The following CCDC192 variants were observed in gnomAD, a reference collection of about 807,000 sequenced individuals.
CCDC192 encodes coiled-coil domain containing 192, also known as coiled-coil domain-containing protein 192.
intron 5 of CCDC192, among the ~76,000 whole-genome samples, chr5:127,826,520 A>G (rs943976805): frequency 6.6e-6 from 1 of 151,734 alleles, no homozygotes. Flanking sequence ...AAGACATGGA[A>G]TCAACCCATC....
At chr5:127,860,922 G>A (rs147855639) in intron 5 of CCDC192, among the ~76,000 whole-genome samples, 105 of 152,234 alleles carry the variant, frequency 6.9e-4, no homozygotes, top group African/African-American at 2.4e-3. Flanking sequence ...ACCAGTTTTC[G>A]CTTTCTTTTA....
chr5:127,706,341 A>G (rs1171410209), intron 1 of CCDC192, among the ~76,000 whole-genome samples: 1 of 152,088 alleles, frequency 6.6e-6, no homozygotes, highest in African/African-American at 2.4e-5. Flanking sequence ...ATCCTGGCCA[A>G]CATGGTGAAA....
intron 5 of CCDC192, among the ~76,000 whole-genome samples, chr5:127,802,697 T>G (rs997885687): frequency 4.6e-5 from 7 of 152,218 alleles, no homozygotes; most frequent in African/African-American, 1.7e-4. Flanking sequence ...TGCAGCCTCT[T>G]TCTCAAGACT....
intron 2 of CCDC192, among the ~76,000 whole-genome samples, chr5:127,729,978 A>C (rs1341082834): frequency 6.6e-6 from 1 of 152,200 alleles, no homozygotes; most frequent in Non-Finnish European, 1.5e-5. Context: ...AACCAAGAGC[A>C]AATAAACCCC....
At chr5:127,861,387 G>A (rs1228311551) in intron 5 of CCDC192, among the ~76,000 whole-genome samples, 1 of 150,964 alleles carries the variant, frequency 6.6e-6, no homozygotes, top group Non-Finnish European at 1.5e-5. Flanking sequence ...GGGCACAGTG[G>A]CTCATGCCTG....
At chr5:127,881,806 T>C (rs1752363672) in intron 6 of CCDC192, among the ~76,000 whole-genome samples, 1 of 152,240 alleles carries the variant, frequency 6.6e-6, no homozygotes, top group African/African-American at 2.4e-5. Flanking sequence ...ATTCCTTCCA[T>C]CATTTCCACA....
intron 5 of CCDC192, among the ~76,000 whole-genome samples, chr5:127,813,539 A>G (rs1337282849): frequency 6.6e-6 from 1 of 152,048 alleles, no homozygotes; most frequent in Non-Finnish European, 1.5e-5. Context: ...CCTTTCTTTT[A>G]TGTGCCATTT....
chr5:127,859,373 C>A (rs892537886), intron 5 of CCDC192, among the ~76,000 whole-genome samples: 6 of 151,980 alleles, frequency 3.9e-5, no homozygotes, highest in Non-Finnish European at 1.5e-5. Flanking sequence ...TAATTAGTTC[C>A]CCTTCTGATT....
chr5:127,892,768 A>G (rs912306594), intron 6 of CCDC192, among the ~76,000 whole-genome samples: 5 of 152,222 alleles, frequency 3.3e-5, no homozygotes, highest in African/African-American at 9.6e-5. Flanking sequence ...AAATGTGCAA[A>G]TAAAGATTTT....
chr5:127,822,393 T>C (rs1320110208), intron 5 of CCDC192, among the ~76,000 whole-genome samples: 1 of 152,176 alleles, frequency 6.6e-6, no homozygotes, highest in Non-Finnish European at 1.5e-5. Flanking sequence ...AGGATGCCTA[T>C]GGCAGGACAT....
chr5:127,807,386 A>G (rs565783576), intron 5 of CCDC192, among the ~76,000 whole-genome samples: 2 of 152,198 alleles, frequency 1.3e-5, no homozygotes, highest in East Asian at 3.9e-4. Flanking sequence ...TTCTCGGCAC[A>G]TTTCTTTCCA....
chr5:127,761,989 A>T lies in CCDC192; in HGVS notation c.222+7614A>T, dbSNP rs1384616819. 3.3e-5 allele frequency among the ~76,000 whole-genome samples: 5 copies of T among 152,280 alleles called. No homozygotes were observed. The East Asian group carries it at 9.7e-4, about 29-fold the overall frequency. On this transcript the variant is annotated intron_variant, in intron 3 of 6. Transcript: ENST00000514853. Reference sequence around the variant, plus strand: ...GAACAAAGATACCAGCAAATTTTTGATACTGAATTTGTGTATTGAGTGGCT... The same window carrying T: ...GAACAAAGATACCAGCAAATTTTTGTTACTGAATTTGTGTATTGAGTGGCT...
chr5:127,744,121 A>G (rs1753602273), intron 2 of CCDC192, among the ~76,000 whole-genome samples: 5 of 151,326 alleles, frequency 3.3e-5, no homozygotes, highest in African/African-American at 1.2e-4. Context: ...GAAAAAAAAA[A>G]AGAAACTATT....
At chr5:127,800,070 AC>A (rs1386461547) in intron 5 of CCDC192, among the ~76,000 whole-genome samples, 1 of 151,954 alleles carries the variant, frequency 6.6e-6, no homozygotes, top group East Asian at 1.9e-4. Flanking sequence ...ACACTCTGAA[AC>A]CCATGATTTT....
chr5:127,861,922 A>C (rs1220808300), intron 5 of CCDC192, among the ~76,000 whole-genome samples: 1 of 152,166 alleles, frequency 6.6e-6, no homozygotes, highest in Non-Finnish European at 1.5e-5. Context: ...AATAACTGAA[A>C]AATGTACTGA....
chr5:127,901,062 AG>A (rs1310166953), intron 6 of CCDC192, among the ~76,000 whole-genome samples: 1 of 152,248 alleles, frequency 6.6e-6, no homozygotes, highest in Non-Finnish European at 1.5e-5. Context: ...TTTTTTAAGC[AG>A]AAATATAAAT....
chr5:127,821,116 G>C (rs1749269673), intron 5 of CCDC192, among the ~76,000 whole-genome samples: 1 of 152,120 alleles, frequency 6.6e-6, no homozygotes, highest in Non-Finnish European at 1.5e-5. Context: ...CTAGTGGTGT[G>C]CTGGTAAATG....
At chr5:127,937,627 A>T (rs1035793202) in intron 6 of CCDC192, among the ~76,000 whole-genome samples, 2 of 152,198 alleles carry the variant, frequency 1.3e-5, no homozygotes, top group African/African-American at 2.4e-5. Flanking sequence ...CATCTGTAGT[A>T]CTTTGTGATA....
At chr5:127,716,747 T>C (rs757251842) in intron 2 of CCDC192, among the ~76,000 whole-genome samples, 1 of 152,198 alleles carries the variant, frequency 6.6e-6, no homozygotes, top group Non-Finnish European at 1.5e-5. Context: ...GGATTAACCT[T>C]CATTCAATGA....
Sources: gnomAD v4.1 joint callset for allele counts (sites outside exome capture counted in the v4.1 genomes callset) on GRCh38, gnomAD v4.1.1 for gene constraint, MANE v1.5 for transcripts, NCBI Gene and HGNC (gene_info 2026-07-23, HGNC 2026-07-21) for gene names.